Variants in FSTL5 observed in about 807,000 individuals in gnomAD.
FSTL5 encodes follistatin like 5.
A neutral mutation model predicts 89.1 loss-of-function variants in FSTL5; 62 were observed. The observed-to-expected ratio is 0.70, with a 90% CI of 0.57 to 0.86. The LOEUF (loss-of-function observed/expected upper bound fraction) is 0.86, where lower values mean the gene tolerates loss of function less well. Among genes scored for constraint, FSTL5 ranks in the 40% least tolerant of loss-of-function variants. FSTL5 has a pLI of 0.00. For missense variants in FSTL5, 1,057 were observed against 1,001.6 expected, an observed-to-expected ratio of 1.06 and a Z score of -0.75; for synonymous variants, 383 against 346.2, an observed-to-expected ratio of 1.11 and a Z score of -1.18.
intron 3 of FSTL5, among the ~76,000 whole-genome samples, chr4:161,990,311 T>C (rs999820495): frequency 1.3e-5 from 2 of 152,104 alleles, no homozygotes; most frequent in Non-Finnish European, 2.9e-5. Flanking sequence ...CTTCTTTATC[T>C]AAACACCCTT....
chr4:161,621,526 T>G (rs1192498598), intron 7 of FSTL5, among the ~76,000 whole-genome samples: 1 of 151,858 alleles, frequency 6.6e-6, no homozygotes, highest in South Asian at 2.1e-4. Flanking sequence ...GTTAAACCCA[T>G]GATAAATGTA....
At chr4:162,098,559 T>C (rs1457086470) in intron 2 of FSTL5, among the ~76,000 whole-genome samples, 1 of 152,006 alleles carries the variant, frequency 6.6e-6, no homozygotes, top group Non-Finnish European at 1.5e-5. Flanking sequence ...ATTTTGTGGA[T>C]ATCAATAAAC....
At chr4:162,033,563 A>G (rs972735069) in intron 3 of FSTL5, 62 bp downstream of exon 3, 5 of 836,818 alleles carry the variant, frequency 6.0e-6, no homozygotes, top group Non-Finnish European at 9.4e-6. Context: ...GTAGCATCAC[A>G]TATCTTTTTT....
At chr4:161,548,473 T>C (rs570013815) in intron 8 of FSTL5, among the ~76,000 whole-genome samples, 1 of 151,836 alleles carries the variant, frequency 6.6e-6, no homozygotes, top group Admixed American at 6.6e-5. Context: ...TTTAGGGGAG[T>C]ATGATAGACA....
At position 161,386,023 on chromosome 4, in the gene FSTL5, G is replaced by C; in HGVS notation, c.2268C>G (p.Ile756Met). 6.2e-7 allele frequency: 1 copy of C among 1,614,020 alleles called. No individual in the cohort carries two copies. The highest frequency in any genetic ancestry group is 8.5e-7 in the Non-Finnish European group (1 of 1,179,970). The change falls in exon 16 of 16, where the codon ATC becomes ATG. Residue 756 changes from isoleucine to methionine, a missense_variant. Physicochemically the swap from Ile to Met is conservative, Grantham distance 10 (BLOSUM62 1). Around this residue, in one of 3 missense-constraint regions of FSTL5, gnomAD observed 980 missense variants for 903.2 expected, o/e 1.08. Coordinates refer to ENST00000306100, the MANE Select transcript of FSTL5 (RefSeq NM_020116.5). ...CAGTTTGTGTGCTTGAACTACCGTAGATGTTATATTGGTGGGCTTCAGTAA... is the reference window on the plus strand; with the variant it reads ...CAGTTTGTGTGCTTGAACTACCGTACATGTTATATTGGTGGGCTTCAGTAA... ...PSFTEAHQYN[I>M]YGSSSTQTDV...
chr4:161,422,315 T>G (rs548999740), intron 15 of FSTL5, among the ~76,000 whole-genome samples: 4 of 152,130 alleles, frequency 2.6e-5, no homozygotes, highest in South Asian at 2.1e-4. Context: ...AAATAATGTG[T>G]GTGTCTGTGT....
intron 4 of FSTL5, among the ~76,000 whole-genome samples, chr4:161,897,663 T>C (rs996650379): frequency 2.0e-5 from 3 of 152,020 alleles, no homozygotes; most frequent in Non-Finnish European, 2.9e-5. Flanking sequence ...GTTTCCCCTA[T>C]TATTAACATC....
Position 161,787,791 on chromosome 4 carries a change from T to C in FSTL5, c.410-11717A>G, listed in dbSNP as rs1317606734. Among the ~76,000 whole-genome samples the C allele has an allele frequency of 2.6e-5, 4 of 152,290 alleles. No homozygotes were observed. In the East Asian group the frequency reaches 7.7e-4, roughly 29 times the overall value. ...AGCGACAGTTCATGTAGAGATATAT[T>C]CCTTTGATATGGTATTGACATGTTC... On this transcript the variant is annotated intron_variant, in intron 4 of 15. Coordinates refer to ENST00000306100, the MANE Select transcript of FSTL5 (RefSeq NM_020116.5).
chr4:161,598,963 A>G (rs1734135677), intron 7 of FSTL5, among the ~76,000 whole-genome samples: 2 of 152,138 alleles, frequency 1.3e-5, no homozygotes, highest in African/African-American at 4.8e-5. Flanking sequence ...GACAAAATGA[A>G]GAAATCATTT....
intron 6 of FSTL5, among the ~76,000 whole-genome samples, chr4:161,669,111 C>CAAAAAAAAAAAAA (rs33950474): frequency 9.6e-6 from 1 of 104,644 alleles, no homozygotes; most frequent in Non-Finnish European, 1.9e-5. Context: ...GACTCTGTCT[C>CAAAAAAAAAAAAA]AAAAAAAAAA....
chr4:162,114,898 C>G (rs1476630971), intron 1 of FSTL5, among the ~76,000 whole-genome samples: 1 of 151,922 alleles, frequency 6.6e-6, no homozygotes, highest in African/African-American at 2.4e-5. Flanking sequence ...TTTCCAAGTC[C>G]CAAATTTCTC....
intron 6 of FSTL5, among the ~76,000 whole-genome samples, chr4:161,754,466 G>A (rs1033500842): frequency 6.6e-6 from 1 of 152,036 alleles, no homozygotes; most frequent in African/African-American, 2.4e-5. Flanking sequence ...TTACCAGAAC[G>A]TCTCATACAG....
intron 2 of FSTL5, among the ~76,000 whole-genome samples, chr4:162,068,114 T>G (rs551774119): frequency 3.9e-5 from 6 of 152,044 alleles, no homozygotes; most frequent in Non-Finnish European, 8.8e-5. Context: ...ATCATGAAAA[T>G]GACCATACTG....
intron 2 of FSTL5, among the ~76,000 whole-genome samples, chr4:162,048,170 T>C (rs1176649930): frequency 1.3e-5 from 2 of 151,638 alleles, no homozygotes; most frequent in Non-Finnish European, 2.9e-5. Flanking sequence ...CTACTAAAAA[T>C]ACAAAAATTA....
At chr4:161,498,047 C>T (rs1181237995) in intron 12 of FSTL5, among the ~76,000 whole-genome samples, 1 of 151,436 alleles carries the variant, frequency 6.6e-6, no homozygotes, top group Non-Finnish European at 1.5e-5. Context: ...CATCACATTG[C>T]TTTGTCCTAC....
At position 161,396,959 on chromosome 4, in the gene FSTL5, T is replaced by C. The variant is rs552120325; in HGVS notation, c.1842-10510A>G. Among the ~76,000 whole-genome samples the C allele has an allele frequency of 1.2e-3, 190 of 152,236 alleles. 1 individual carries two copies. The highest frequency in any genetic ancestry group is 4.5e-3 in the African/African-American group (187 of 41,570). Reference sequence around the variant, plus strand: ...TGAACTAGGGAGTATAATGAATTAATTCAACTCTCTTTACTCTCTTCTACC... The same window carrying C: ...TGAACTAGGGAGTATAATGAATTAACTCAACTCTCTTTACTCTCTTCTACC... On this transcript the variant is annotated intron_variant, in intron 15 of 15. Coordinates refer to ENST00000306100, the MANE Select transcript of FSTL5 (RefSeq NM_020116.5).
intron 15 of FSTL5, among the ~76,000 whole-genome samples, chr4:161,451,612 G>C (rs1733166539): frequency 6.6e-6 from 1 of 152,200 alleles, no homozygotes; most frequent in South Asian, 2.1e-4. Flanking sequence ...GGTCACCAGA[G>C]TCAATGGTGA....
chr4:161,407,539 G>A (rs1731428404), intron 15 of FSTL5, among the ~76,000 whole-genome samples: 1 of 152,160 alleles, frequency 6.6e-6, no homozygotes, highest in South Asian at 2.1e-4. Flanking sequence ...CTCTCACTGT[G>A]GACCTCTGGA....
intron 15 of FSTL5, among the ~76,000 whole-genome samples, chr4:161,452,065 T>C (rs1411560843): frequency 6.6e-6 from 1 of 152,222 alleles, no homozygotes; most frequent in Non-Finnish European, 1.5e-5. Flanking sequence ...CTGCCTGGCA[T>C]GGAAAACTTC....
Sources: allele counts gnomAD v4.1 joint callset (sites outside exome capture counted in the v4.1 genomes callset), GRCh38; gene constraint gnomAD v4.1.1; regional missense constraint gnomAD v4.1.1; transcripts MANE v1.5; gene names NCBI Gene and HGNC (gene_info 2026-07-23, HGNC 2026-07-21).